Variants in ARHGAP21 observed in about 807,000 individuals in gnomAD.
The protein encoded by ARHGAP21 is rho GTPase-activating protein 21.
In ARHGAP21, 38 loss-of-function variants were observed where a neutral mutation model predicts 164.6. The ratio of observed to expected loss-of-function variants is 0.23; its 90% CI spans 0.18 to 0.30. The LOEUF (loss-of-function observed/expected upper bound fraction) is 0.30. Among genes scored for constraint, ARHGAP21 ranks in the 10% least tolerant of loss-of-function variants. The probability of loss-of-function intolerance (pLI) is 1.00; values close to 1 mark genes in which losing one functional copy is unlikely to be tolerated. For synonymous variants in ARHGAP21, 766 were observed against 857.9 expected (o/e 0.89, Z 1.87); for missense variants, 1,822 against 2,370.7 (o/e 0.77, Z 4.81).
intron 12 of ARHGAP21, 131 bp from the exon 13 acceptor site, chr10:24,602,234 T>A (rs1564985677): frequency 2.9e-6 from 3 of 1,023,782 alleles, no homozygotes; most frequent in African/African-American, 3.3e-5. Flanking sequence ...AATCCTAACT[T>A]TATCTTTTTA....
At chr10:24,662,655 T>C (rs1286957824) in intron 4 of ARHGAP21, among the ~76,000 whole-genome samples, 1 of 152,208 alleles carries the variant, frequency 6.6e-6, no homozygotes, top group Non-Finnish European at 1.5e-5. Flanking sequence ...CTCATACCTT[T>C]CCATATTCTT....
At chr10:24,646,813 TTAAAA>T (rs1319787631) in intron 4 of ARHGAP21, among the ~76,000 whole-genome samples, 1 of 152,138 alleles carries the variant, frequency 6.6e-6, no homozygotes, top group African/African-American at 2.4e-5. Flanking sequence ...CATATATGCA[TTAAAA>T]TATCACACTG....
chr10:24,676,353 T>C (rs1019974405), intron 2 of ARHGAP21, among the ~76,000 whole-genome samples: 2 of 152,264 alleles, frequency 1.3e-5, no homozygotes, highest in Non-Finnish European at 2.9e-5. Context: ...ACTGCATTAC[T>C]GCATGCTGCT....
intron 4 of ARHGAP21, among the ~76,000 whole-genome samples, chr10:24,664,796 T>C (rs905681624): frequency 3.3e-5 from 5 of 152,108 alleles, no homozygotes; most frequent in Non-Finnish European, 7.4e-5. Flanking sequence ...TTATACCCTT[T>C]AGGCTCACTC....
intron 4 of ARHGAP21, among the ~76,000 whole-genome samples, chr10:24,666,100 G>C (rs1316048556): frequency 6.6e-6 from 1 of 152,146 alleles, no homozygotes; most frequent in Non-Finnish European, 1.5e-5. Context: ...AGCGATCTCG[G>C]CTCACTGCAA....
At chr10:24,612,954 GT>G (rs1471598946) in intron 9 of ARHGAP21, among the ~76,000 whole-genome samples, 4 of 152,168 alleles carry the variant, frequency 2.6e-5, no homozygotes, top group Non-Finnish European at 5.9e-5. Context: ...ATCAAAGGAG[GT>G]GAACGGCTAA....
chr10:24,706,589 G>A (rs1258466695), intron 2 of ARHGAP21: 1 of 152,578 alleles, frequency 6.6e-6, no homozygotes, highest in Admixed American at 6.6e-5. Context: ...ATCCTGAACT[G>A]GGCCATGACT....
chr10:24,629,957 G>A, intron 7 of ARHGAP21, 39 bp downstream of exon 7: 1 of 1,369,788 alleles, frequency 7.3e-7, no homozygotes, highest in Non-Finnish European at 1.0e-6. Flanking sequence ...GAACATTCAT[G>A]ACTGTAAAAC....
At chr10:24,611,796 A>G (rs1473026384) in intron 9 of ARHGAP21, among the ~76,000 whole-genome samples, 1 of 152,178 alleles carries the variant, frequency 6.6e-6, no homozygotes, top group African/African-American at 2.4e-5. Context: ...GCATGCATGG[A>G]ACCAGGTCTA....
Position 24,604,349 on chromosome 10 carries a change from C to A in ARHGAP21, c.2685-1G>T. ...CAGACTAGATACGTGCTTAAAGGAC[C>A]TGTTGGGGAAAAAATATATAAATAT... On this transcript the variant is annotated splice_acceptor_variant, in intron 11 of 25. Transcript: ENST00000396432. LOFTEE classifies it high-confidence loss of function. 1 of 1,586,208 alleles carries A rather than the reference C, an allele frequency of 6.3e-7. No homozygotes were observed. The highest frequency in any genetic ancestry group is 1.2e-5 in the South Asian group (1 of 84,718).
At chr10:24,627,963 T>C (rs934135372) in intron 7 of ARHGAP21, among the ~76,000 whole-genome samples, 1 of 152,216 alleles carries the variant, frequency 6.6e-6, no homozygotes. Context: ...AAGGGTCTAC[T>C]GAAGATCGGA....
chr10:24,698,935 A>G (rs545084301), intron 2 of ARHGAP21, among the ~76,000 whole-genome samples: 410 of 152,340 alleles, frequency 2.7e-3, no homozygotes, highest in Non-Finnish European at 3.8e-3. Flanking sequence ...ATATTTGTAC[A>G]TATATATCAG....
intron 4 of ARHGAP21, among the ~76,000 whole-genome samples, chr10:24,645,565 T>C (rs1413984359): frequency 1.4e-5 from 2 of 146,086 alleles, no homozygotes; most frequent in Non-Finnish European, 3.0e-5. Context: ...GACTGAGCAA[T>C]AGAGTGAGGC....
At chr10:24,652,170 G>A (rs1400190828) in intron 4 of ARHGAP21, among the ~76,000 whole-genome samples, 1 of 111,614 alleles carries the variant, frequency 9.0e-6, no homozygotes, top group Admixed American at 8.9e-5. Context: ...GTCAATCCCT[G>A]GAACAGAAGC....
chr10:24,654,229 C>G (rs1838540211), intron 4 of ARHGAP21, among the ~76,000 whole-genome samples: 2 of 152,294 alleles, frequency 1.3e-5, no homozygotes, highest in Admixed American at 6.5e-5. Flanking sequence ...AACAGGGATG[C>G]CCTCTCTCAC....
At chr10:24,636,754 C>T (rs1836429805) in intron 4 of ARHGAP21, among the ~76,000 whole-genome samples, 1 of 152,192 alleles carries the variant, frequency 6.6e-6, no homozygotes, top group African/African-American at 2.4e-5. Flanking sequence ...GGCAATGGGG[C>T]ATAGTAGAAA....
chr10:24,585,318 T>A lies in ARHGAP21; in HGVS notation c.4971A>T (p.Lys1657Asn). 6.2e-7 allele frequency: 1 copy of A among 1,612,332 alleles called. No individual in the cohort carries two copies. The highest frequency in any genetic ancestry group is 1.1e-5 in the South Asian group (1 of 91,068). The change falls in exon 26 of 26, where the codon AAA (lysine) becomes AAT (asparagine). Residue 1657 changes from lysine to asparagine, a missense_variant. By Grantham distance (94) the Lys-to-Asn change is moderately conservative (BLOSUM62 0). This residue lies in a region of ARHGAP21 where 333 missense variants were observed against 383.9 expected (regional missense o/e 0.87). Coordinates refer to ENST00000396432, the MANE Select transcript of ARHGAP21 (RefSeq NM_020824.4). ...ALTSERLFRG[K>N]LQEVTKSSRR... Reference sequence around the variant, plus strand: ...GGCTGCTCTTAGTCACTTCTTGCAGTTTTCCTCGGAAAAGCCTCTCTGAAG... The same window carrying A: ...GGCTGCTCTTAGTCACTTCTTGCAGATTTCCTCGGAAAAGCCTCTCTGAAG...
At position 24,619,698 on chromosome 10, in the gene ARHGAP21, C is replaced by T. The variant is rs756589247; in HGVS notation, c.2197G>A (p.Glu733Lys). 11 of 1,614,122 alleles carry T rather than the reference C, an allele frequency of 6.8e-6. No homozygotes were observed. Among genetic ancestry groups the T allele is most frequent in the Non-Finnish European group, 9.3e-6 (11 of 1,180,010 alleles). The change falls in exon 9 of 26, where the codon GAA becomes AAA. Residue 733 changes from glutamate (E) to lysine (K), a missense_variant. By Grantham distance (56) the Glu-to-Lys change is moderately conservative. Coordinates refer to ENST00000396432, the MANE Select transcript of ARHGAP21 (RefSeq NM_020824.4). Reference protein sequence around the residue: ...TEQSDTLDNKEAVILREKPPS... With the variant: ...TEQSDTLDNKKAVILREKPPS... ...GGTTTTTCCCTTAGGATGACAGCTT[C>T]TTTATTATCTAAAGTATCTGATTGC...
chr10:24,585,681 G>C lies in ARHGAP21; in HGVS notation c.4608C>G (p.Ser1536=), dbSNP rs772083096. The change falls in exon 26 of 26, where the codon TCC becomes TCG. Residue 1536 remains serine (S), a synonymous_variant. Transcript: ENST00000396432. ...CAGAGCCTGTCTCTTCAAGGTGGGA[G>C]GACTTCTGTGCCAGAAGTGACCTGG... ...ESPRSLLAQK[S]SHLEETGSDS... The C allele has an allele frequency of 1.2e-6, 2 of 1,614,010 alleles. No individual in the cohort carries two copies. The highest frequency in any genetic ancestry group is 2.2e-5 in the South Asian group (2 of 91,080).
Sources: allele counts gnomAD v4.1 joint callset (sites outside exome capture counted in the v4.1 genomes callset), GRCh38; gene constraint gnomAD v4.1.1; regional missense constraint gnomAD v4.1.1; transcripts MANE v1.5; gene names NCBI Gene and HGNC (gene_info 2026-07-23, HGNC 2026-07-21).